The following PLEKHA5 variants were observed in gnomAD, a reference collection of about 807,000 sequenced individuals.
PLEKHA5 encodes the protein pleckstrin homology domain-containing family A member 5.
Under a neutral mutation model 181.9 loss-of-function variants are expected in PLEKHA5, and 55 were observed. The ratio of observed to expected loss-of-function variants is 0.30; its 90% CI spans 0.24 to 0.38. The LOEUF (loss-of-function observed/expected upper bound fraction) is 0.38. PLEKHA5 is among the 10% of genes least tolerant of loss of function. The pLI, the probability that PLEKHA5 is intolerant of heterozygous loss-of-function variation, is 1.00. For synonymous variants in PLEKHA5, 535 were observed against 529.4 expected (o/e 1.01, Z -0.15); for missense variants, 1,432 against 1,549.5 (o/e 0.92, Z 1.27).
intron 16 of PLEKHA5, among the ~76,000 whole-genome samples, chr12:19,315,865 A>G (rs573368057): frequency 1.5e-3 from 230 of 152,264 alleles, no homozygotes; most frequent in East Asian, 2.5e-3. Context: ...AATGGATACA[A>G]TTGATCAGAG....
In PLEKHA5 at chr12:19,366,055, G is replaced by C. The variant is rs770016129; in HGVS notation, c.3700G>C (p.Val1234Leu). Residue 1234 changes from valine (V) to leucine (L), a missense_variant, in exon 30 of 32, where the codon GTT (valine) becomes CTT (leucine). Physicochemically the swap from Val to Leu is conservative, Grantham distance 32. Transcript: ENST00000429027. ...CAGTGTTGACGAACAGGAAGAAACT[G>C]TTATTTCTTACGAATCAACTCCTGA... ...KNSVDEQEET[V>L]ISYESTPEVS... 6.2e-7 allele frequency: 1 copy of C among 1,610,782 alleles called. No homozygotes were observed. The highest frequency in any genetic ancestry group is 1.7e-5 in the Admixed American group (1 of 59,814).
At chr12:19,323,314 G>C (rs2091356613) in intron 20 of PLEKHA5, among the ~76,000 whole-genome samples, 1 of 152,034 alleles carries the variant, frequency 6.6e-6, no homozygotes, top group East Asian at 1.9e-4. Flanking sequence ...CCTGAAGTCA[G>C]GAGTTCAAGA....
At chr12:19,160,142 A>C (rs532381373) in intron 3 of PLEKHA5, among the ~76,000 whole-genome samples, 14 of 152,186 alleles carry the variant, frequency 9.2e-5, no homozygotes, top group African/African-American at 3.1e-4. Flanking sequence ...TAAGTAAATA[A>C]CTTTATGTTT....
intron 3 of PLEKHA5, among the ~76,000 whole-genome samples, chr12:19,161,217 C>T (rs796411790): frequency 6.6e-6 from 1 of 152,036 alleles, no homozygotes; most frequent in Non-Finnish European, 1.5e-5. Flanking sequence ...TTTCCCCACT[C>T]TTTACTTCCA....
At chr12:19,180,846 A>T (rs1259149143) in intron 3 of PLEKHA5, among the ~76,000 whole-genome samples, 1 of 149,654 alleles carries the variant, frequency 6.7e-6, no homozygotes, top group Non-Finnish European at 1.5e-5. Flanking sequence ...ACTGTGCTTT[A>T]TATGCACCTA....
At chr12:19,161,890 C>T (rs1193057241) in intron 3 of PLEKHA5, among the ~76,000 whole-genome samples, 4 of 152,032 alleles carry the variant, frequency 2.6e-5, no homozygotes, top group Non-Finnish European at 5.9e-5. Context: ...AACAGAACTG[C>T]GAATATTCTT....
At chr12:19,300,604 A>G (rs930267810) in intron 15 of PLEKHA5, among the ~76,000 whole-genome samples, 1 of 152,202 alleles carries the variant, frequency 6.6e-6, no homozygotes, top group African/African-American at 2.4e-5. Context: ...CCATGATGCT[A>G]ATGCCCACAA....
chr12:19,288,997 G>A (rs538543629), intron 13 of PLEKHA5, among the ~76,000 whole-genome samples: 40 of 152,062 alleles, frequency 2.6e-4, no homozygotes, highest in Admixed American at 5.9e-4. Flanking sequence ...TATTCCTTGC[G>A]GTATCACTCT....
chr12:19,157,099 C>CAT (rs2041944779), intron 3 of PLEKHA5, among the ~76,000 whole-genome samples: 1 of 148,536 alleles, frequency 6.7e-6, no homozygotes. Flanking sequence ...TATGTACATA[C>CAT]ACACACACAC....
At chr12:19,333,163 T>C (rs886740969) in intron 20 of PLEKHA5, among the ~76,000 whole-genome samples, 2 of 151,950 alleles carry the variant, frequency 1.3e-5, no homozygotes, top group Non-Finnish European at 2.9e-5. Context: ...CGCATGCCTG[T>C]AATCCCAACT....
intron 3 of PLEKHA5, among the ~76,000 whole-genome samples, chr12:19,198,484 T>A (rs1410405164): frequency 6.6e-6 from 1 of 152,238 alleles, no homozygotes; most frequent in Non-Finnish European, 1.5e-5. Flanking sequence ...CTGTCTTAGT[T>A]CTTTGCATAA....
At chr12:19,356,580 T>C (rs2153227209) in intron 26 of PLEKHA5, among the ~76,000 whole-genome samples, 1 of 151,994 alleles carries the variant, frequency 6.6e-6, no homozygotes, top group East Asian at 1.9e-4. Context: ...TTACCACTTA[T>C]TAAGTGGAAA....
chr12:19,292,401 C>A (rs1230688196), intron 15 of PLEKHA5, among the ~76,000 whole-genome samples: 1 of 152,098 alleles, frequency 6.6e-6, no homozygotes, highest in Non-Finnish European at 1.5e-5. Context: ...GCGCAAGACT[C>A]TGTCTTAAAA....
At chr12:19,366,437 G>A (rs2095425048) in intron 30 of PLEKHA5, among the ~76,000 whole-genome samples, 1 of 152,220 alleles carries the variant, frequency 6.6e-6, no homozygotes, top group Non-Finnish European at 1.5e-5. Flanking sequence ...GGTGGACCAC[G>A]AGGTCAGGGG....
chr12:19,340,962 A>G (rs1176642749), intron 21 of PLEKHA5, among the ~76,000 whole-genome samples: 8 of 126,058 alleles, frequency 6.3e-5, no homozygotes, highest in South Asian at 2.5e-4. Flanking sequence ...AAAAAAAAAA[A>G]GAAAGAAAAG....
At chr12:19,343,035 T>C (rs1035668864) in intron 21 of PLEKHA5, among the ~76,000 whole-genome samples, 1 of 152,174 alleles carries the variant, frequency 6.6e-6, no homozygotes, top group Admixed American at 6.6e-5. Context: ...TTTTAATCAA[T>C]ATGCCTTCCT....
intron 28 of PLEKHA5, among the ~76,000 whole-genome samples, chr12:19,359,845 A>G (rs1217685582): frequency 6.6e-6 from 1 of 151,912 alleles, no homozygotes; most frequent in Non-Finnish European, 1.5e-5. Context: ...AGGCTCCTGT[A>G]GTCCCAGCTA....
chr12:19,238,622 T>G (rs2061825509), intron 3 of PLEKHA5, among the ~76,000 whole-genome samples: 1 of 152,144 alleles, frequency 6.6e-6, no homozygotes, highest in African/African-American at 2.4e-5. Flanking sequence ...TAAGTCTGTA[T>G]TTTAAACTTA....
chr12:19,146,344 T>A (rs1024185783), intron 3 of PLEKHA5, among the ~76,000 whole-genome samples: 1 of 152,216 alleles, frequency 6.6e-6, no homozygotes, highest in African/African-American at 2.4e-5. Context: ...TCTGTAAATT[T>A]CCTGTTTCAC....
Sources: gnomAD v4.1 joint callset for allele counts (sites outside exome capture counted in the v4.1 genomes callset) on GRCh38, gnomAD v4.1.1 for gene constraint, MANE v1.5 for transcripts, NCBI Gene and HGNC (gene_info 2026-07-23, HGNC 2026-07-21) for gene names.